The following DNMT3A variants were observed in gnomAD, a reference collection of about 807,000 sequenced individuals.
DNMT3A encodes DNA (cytosine-5)-methyltransferase 3A.
In DNMT3A, 267 loss-of-function variants were observed where a neutral mutation model predicts 117.6. That is an observed-to-expected ratio of 2.27 (90% CI 2.05 to 2.51). DNMT3A has a LOEUF of 2.51. Among genes scored for constraint, DNMT3A ranks in the 30% most tolerant of loss-of-function variants. The pLI is 0.00. For synonymous variants in DNMT3A, 432 were observed against 474.8 expected (o/e 0.91, Z 1.17); for missense variants, 1,029 against 1,260.2 (o/e 0.82, Z 2.78).
chr2:25,237,406 T>C lies in DNMT3A; in HGVS notation c.2409-401A>G, dbSNP rs1673488517. On this transcript the variant is annotated intron_variant, in intron 20 of 22. Transcript: ENST00000321117. The surrounding 1 kb of genome is among the most constrained non-coding windows in gnomAD (Gnocchi z 5.4). Reference sequence around the variant, plus strand: ...TGTTCTGTATCTTGATTTGTGGTGATTGTTACACGGGTGTGTCCACTGGAT... The same window carrying C: ...TGTTCTGTATCTTGATTTGTGGTGACTGTTACACGGGTGTGTCCACTGGAT... Among the ~76,000 whole-genome samples, 1 of 152,224 alleles carries C rather than the reference T, an allele frequency of 6.6e-6. No homozygotes were observed.
upstream of DNMT3A, among the ~76,000 whole-genome samples, chr2:25,342,263 G>A (rs1223787659): frequency 2.0e-5 from 3 of 149,250 alleles, no homozygotes; most frequent in African/African-American, 4.9e-5. The surrounding 1 kb of genome is among the most constrained non-coding windows in gnomAD (Gnocchi z 5.9). Flanking sequence ...GCCCCGCCGG[G>A]GTCCCCGCAC....
intron 6 of DNMT3A, among the ~76,000 whole-genome samples, chr2:25,263,201 G>C (rs1230452009): frequency 2.6e-5 from 4 of 152,084 alleles, no homozygotes; most frequent in African/African-American, 9.7e-5. Flanking sequence ...CTCCCAAAGT[G>C]CTGGGATTAC....
rs1395192670 is a variant in DNMT3A, at chr2:25,236,975, C to G, written c.2439G>C (p.Leu813=). ...CATGCTCCAGACACTCCTGCAGCTCCAGCTTATCATTCACAGTGGATGCCA... is the reference window on the plus strand; with the variant it reads ...CATGCTCCAGACACTCCTGCAGCTCGAGCTTATCATTCACAGTGGATGCCA... ...RPLASTVNDK[L]ELQECLEHGR... Residue 813 remains leucine, a synonymous_variant, in exon 21 of 23, where the codon CTG becomes CTC. Transcript: ENST00000321117. This position sits in a 1 kb window ranked among gnomAD's most constrained non-coding sequence, Gnocchi z 4.5. 1 of 1,613,756 alleles carries G rather than the reference C, an allele frequency of 6.2e-7. No homozygotes were observed. Among genetic ancestry groups the G allele is most frequent in the African/African-American group, 1.3e-5 (1 of 75,054 alleles).
intron 16 of DNMT3A, chr2:25,242,016 T>A: frequency 2.5e-6 from 1 of 392,238 alleles, no homozygotes. Flanking sequence ...GCCTTTTCTT[T>A]GTTGTTGTCC....
upstream of DNMT3A, among the ~76,000 whole-genome samples, chr2:25,342,211 G>T (rs1218669572): frequency 3.4e-5 from 5 of 145,998 alleles, no homozygotes. The surrounding 1 kb of genome is among the most constrained non-coding windows in gnomAD (Gnocchi z 5.9). Context: ...CTGGGCGCGC[G>T]GCCGGTCCTA....
chr2:25,289,605 G>A (rs2032594922), intron 3 of DNMT3A, among the ~76,000 whole-genome samples: 1 of 152,198 alleles, frequency 6.6e-6, no homozygotes, highest in Non-Finnish European at 1.5e-5. Flanking sequence ...GTACAGGCGA[G>A]GCATTTGAAG....
chr2:25,334,506 A>T (rs545408010), intron 1 of DNMT3A, among the ~76,000 whole-genome samples: 12 of 152,220 alleles, frequency 7.9e-5, no homozygotes, highest in African/African-American at 2.6e-4. Flanking sequence ...GGCCCCAGTT[A>T]TACCTCCAGT....
Position 25,300,167 on chromosome 2 carries a change from C to T in DNMT3A, c.149G>A (p.Arg50Gln), listed in dbSNP as rs2149405135. 6.2e-7 allele frequency: 1 copy of T among 1,613,390 alleles called. No homozygotes were observed. The highest frequency in any genetic ancestry group is 8.5e-7 in the Non-Finnish European group (1 of 1,179,952). ...GGGGTGCTTGCGCTTCCTCCCAGGCCGCCCCACCTTCCGTGCCGTGGTGCT... is the reference window on the plus strand; with the variant it reads ...GGGGTGCTTGCGCTTCCTCCCAGGCTGCCCCACCTTCCGTGCCGTGGTGCT... The part of the protein sequence containing the change: ...EPSTTARKVG[R>Q]PGRKRKHPPV... Residue 50 changes from arginine to glutamine, a missense_variant, in exon 3 of 23, where the codon CGG becomes CAG. Transcript: ENST00000321117.
chr2:25,241,957 G>GA (rs1490894390), intron 16 of DNMT3A: 2 of 524,232 alleles, frequency 3.8e-6, no homozygotes, highest in Non-Finnish European at 6.7e-6. Context: ...ACTGACCGGA[G>GA]AGTACATGGT....
chr2:25,259,700 C>T (rs1676445225), intron 6 of DNMT3A, among the ~76,000 whole-genome samples: 1 of 152,116 alleles, frequency 6.6e-6, no homozygotes, highest in South Asian at 2.1e-4. Flanking sequence ...CCTTAACAGC[C>T]AGGCCTGTTT....
intron 6 of DNMT3A, 115 bp from the exon 7 acceptor site, chr2:25,248,367 G>A: frequency 1.8e-6 from 2 of 1,139,154 alleles, no homozygotes; most frequent in African/African-American, 1.6e-5. Context: ...AAGGTCAAGG[G>A]CTGGAGAGAG....
At chr2:25,248,559 T>A (rs542433725) in intron 6 of DNMT3A, among the ~76,000 whole-genome samples, 64 of 152,106 alleles carry the variant, frequency 4.2e-4, no homozygotes, top group South Asian at 1.0e-3. Flanking sequence ...TTATTTATTT[T>A]TTTTTTTGGA....
chr2:25,229,603 C>A lies in DNMT3A; in HGVS notation c.*4676G>T, dbSNP rs1672794570. ...AATGTTGGCTCTGCCGTGCTCCCGA[C>A]CAAAGGAAGCAAGCAGCCCTCTTCA... On this transcript the variant is annotated 3_prime_UTR_variant, in exon 23 of 23. Transcript: ENST00000321117. The A allele has an allele frequency of 6.6e-6, 1 of 152,208 alleles. No homozygotes were observed. The highest frequency in any genetic ancestry group is 1.5e-5 in the Non-Finnish European group (1 of 68,072). 9.4% of individuals were successfully genotyped at this position (152,208 alleles called of 1,614,324 possible).
At chr2:25,297,044 C>A (rs1252161721) in intron 3 of DNMT3A, among the ~76,000 whole-genome samples, 1 of 152,186 alleles carries the variant, frequency 6.6e-6, no homozygotes, top group African/African-American at 2.4e-5. Context: ...AGGGCCACAG[C>A]TGCAACAGGT....
chr2:25,254,384 C>T lies in DNMT3A; in HGVS notation c.640-6132G>A, dbSNP rs1421152808. Among the ~76,000 whole-genome samples the T allele has an allele frequency of 1.3e-5, 2 of 152,070 alleles. No homozygotes were observed. The highest frequency in any genetic ancestry group is 2.4e-5 in the African/African-American group (1 of 41,390). ...AACCCTGAAGAGCAAGGACCCCAAA[C>T]CAGAGAGCCTTCTACCTAGAAGACT... On this transcript the variant is annotated intron_variant, in intron 6 of 22. Coordinates refer to ENST00000321117, the MANE Select transcript of DNMT3A (RefSeq NM_022552.5). This position sits in a 1 kb window ranked among gnomAD's most constrained non-coding sequence, Gnocchi z 4.7.
chr2:25,261,059 C>T (rs184348299), intron 6 of DNMT3A, among the ~76,000 whole-genome samples: 8 of 151,844 alleles, frequency 5.3e-5, no homozygotes, highest in African/African-American at 1.4e-4. Flanking sequence ...TTTGGGAGGC[C>T]GAGGTGGGCA....
In DNMT3A at chr2:25,237,102, G is replaced by C; in HGVS notation, c.2409-97C>G. The C allele has an allele frequency of 4.8e-6, 6 of 1,248,948 alleles. No homozygotes were observed. Among genetic ancestry groups the C allele is most frequent in the Non-Finnish European group, 6.8e-6 (6 of 878,874 alleles). 77.4% of individuals were successfully genotyped at this position (1,248,948 alleles called of 1,614,324 possible). A position where few individuals can be genotyped will look rare whatever the true frequency, so the allele number is the denominator to read the frequency against. On this transcript the variant is annotated intron_variant, in intron 20 of 22. Coordinates refer to ENST00000321117, the MANE Select transcript of DNMT3A (RefSeq NM_022552.5). The surrounding 1 kb of genome is among the most constrained non-coding windows in gnomAD (Gnocchi z 5.4). The stretch of plus-strand genomic sequence containing the variant: ...CCCCTCCCTCCCCCAGCAGCCACTA[G>C]TTCACAGGGTAAGAGCCCCTTCCCC...
chr2:25,302,629 A>AC, intron 2 of DNMT3A, among the ~76,000 whole-genome samples: 1 of 152,294 alleles, frequency 6.6e-6, no homozygotes, highest in African/African-American at 2.4e-5. Context: ...CCAAGGGCAC[A>AC]CGCCCCATGG....
At chr2:25,244,062 C>A (rs551945714) in intron 15 of DNMT3A, 80 bp from the exon 16 acceptor site, 2 of 1,586,020 alleles carry the variant, frequency 1.3e-6, no homozygotes, top group African/African-American at 1.3e-5. Flanking sequence ...TCCAGCCAGG[C>A]TCCTAGACCC....
Sources: allele counts gnomAD v4.1 joint callset (sites outside exome capture counted in the v4.1 genomes callset), GRCh38; gene constraint gnomAD v4.1.1; non-coding constraint Gnocchi (gnomAD v3.1); transcripts MANE v1.5; gene names NCBI Gene and HGNC (gene_info 2026-07-23, HGNC 2026-07-21).